SCYL1: variants seen among roughly 807,000 people sequenced by gnomAD.
The protein encoded by SCYL1 is SCY1 like pseudokinase 1.
Under a neutral mutation model 94.8 loss-of-function variants are expected in SCYL1, and 85 were observed. The observed-to-expected ratio is 0.90, with a 90% CI of 0.75 to 1.07. SCYL1 has a LOEUF of 1.07. SCYL1 is among the 50% of genes least tolerant of loss of function. The pLI is 0.00. For missense variants in SCYL1, 968 were observed against 1,083.3 expected (o/e 0.89, Z 1.49); for synonymous variants, 459 against 435.5 (o/e 1.05, Z -0.67).
intron 9 of SCYL1, 181 bp downstream of exon 9, chr11:65,532,986 G>C: frequency 1.7e-6 from 1 of 584,496 alleles, no homozygotes; most frequent in Non-Finnish European, 3.1e-6. Context: ...CCATTCAGCA[G>C]ACAACGAGCA....
chr11:65,526,259 G>T lies in SCYL1; in HGVS notation c.511G>T (p.Gly171Trp), dbSNP rs372370132. 13 of 1,613,042 alleles carry T rather than the reference G, an allele frequency of 8.1e-6. No individual in the cohort carries two copies. The highest frequency in any genetic ancestry group is 2.7e-5 in the African/African-American group (2 of 74,924). The change falls in exon 4 of 18, where the codon GGG becomes TGG. Residue 171 changes from glycine (G) to tryptophan (W), a missense_variant. Physicochemically the swap from Gly to Trp is radical, Grantham distance 184. Around this residue, in one of 2 missense-constraint regions of SCYL1, gnomAD observed 494 missense variants for 619.7 expected, o/e 0.80. Coordinates refer to ENST00000270176, the MANE Select transcript of SCYL1 (RefSeq NM_020680.4). The surrounding 1 kb of genome is among the most constrained non-coding windows in gnomAD (Gnocchi z 4.1). ...DYMYSAQGNGGGPPRKGIPEL... is the reference protein window; with the variant it reads ...DYMYSAQGNGWGPPRKGIPEL... The stretch of plus-strand genomic sequence containing the variant: ...CATGTATTCGGCCCAGGGCAACGGT[G>T]GGGGACCTCCCCGCAAGGGGATCCC...
intron 8 of SCYL1, 55 bp from the exon 9 acceptor site, chr11:65,532,637 T>A: frequency 7.7e-6 from 11 of 1,420,016 alleles, no homozygotes; most frequent in Non-Finnish European, 1.1e-5. Context: ...TCCATGGCTA[T>A]GGGGATAGAG....
intron 9 of SCYL1, 130 bp from the exon 10 acceptor site, chr11:65,535,097 G>A: frequency 8.5e-7 from 1 of 1,182,994 alleles, no homozygotes; most frequent in South Asian, 1.5e-5. Context: ...ACAGGGCCAG[G>A]CCCAGGCTGG....
rs55977709 is a variant in SCYL1, at chr11:65,536,002, C to G, written c.1436C>G (p.Pro479Arg). 6.2e-7 allele frequency: 1 copy of G among 1,613,328 alleles called. No homozygotes were observed. Among genetic ancestry groups the G allele is most frequent in the East Asian group, 2.2e-5 (1 of 44,886 alleles). Residue 479 changes from proline to arginine, a missense_variant, in exon 11 of 18, where the codon CCG becomes CGG. By Grantham distance (103) the Pro-to-Arg change is moderately radical. Transcript: ENST00000270176. ...TSAFSRATRD[P>R]FAPSRVAGVL... ...GCCTTCAGCCGAGCCACTAGGGACC[C>G]GTTTGCACCGTCCCGGGTTGCGGGT...
chr11:65,528,327 G>T (rs572122190), intron 6 of SCYL1, among the ~76,000 whole-genome samples: 1 of 152,248 alleles, frequency 6.6e-6, no homozygotes, highest in African/African-American at 2.4e-5. Context: ...TGTAATCCCG[G>T]CTACTCAGGA....
chr11:65,525,975 C>T lies in SCYL1; in HGVS notation c.307C>T (p.Leu103Phe), dbSNP rs766945284. ...GGCTGTGACCCCGTTGGGAATATAC[C>T]TCAAGGCGAGAGTGGAGGCTGGTGG... is the stretch of plus-strand genomic sequence containing the variant. ...TEAVTPLGIY[L>F]KARVEAGGLK... The change falls in exon 3 of 18, where the codon CTC becomes TTC. Residue 103 changes from leucine to phenylalanine, a missense_variant. Leu to Phe is a conservative substitution (Grantham distance 22). Coordinates refer to ENST00000270176, the MANE Select transcript of SCYL1 (RefSeq NM_020680.4). 2.5e-6 allele frequency: 4 copies of T among 1,613,534 alleles called. No individual in the cohort carries two copies. Among genetic ancestry groups the T allele is most frequent in the South Asian group, 1.1e-5 (1 of 91,072 alleles).
chr11:65,528,382 C>T (rs1409662100), intron 6 of SCYL1, among the ~76,000 whole-genome samples: 1 of 152,088 alleles, frequency 6.6e-6, no homozygotes, highest in Non-Finnish European at 1.5e-5. Context: ...GTGGAGGTTG[C>T]AGTGAGCCAA....
rs1855098661 is a variant in SCYL1, at chr11:65,526,656, G to A, written c.603-127G>A. On this transcript the variant is annotated intron_variant, in intron 4 of 17. Transcript: ENST00000270176. This position sits in a 1 kb window ranked among gnomAD's most constrained non-coding sequence, Gnocchi z 4.1. ...TGAGGCTAATGAAACCTGCCTCTTGGGACTGATGGCTCAGCTGAGGGACAT... is the reference window on the plus strand; with the variant it reads ...TGAGGCTAATGAAACCTGCCTCTTGAGACTGATGGCTCAGCTGAGGGACAT... The A allele has an allele frequency of 2.3e-6, 2 of 886,386 alleles. No individual in the cohort carries two copies. Among genetic ancestry groups the A allele is most frequent in the East Asian group, 2.5e-5 (1 of 40,224 alleles). 54.9% of individuals were successfully genotyped at this position (886,386 alleles called of 1,614,324 possible). A position where few individuals can be genotyped will look rare whatever the true frequency, so the allele number is the denominator to read the frequency against.
At chr11:65,536,958 G>A (rs756616000) in intron 13 of SCYL1, 28 bp from the exon 14 acceptor site, 2 of 1,593,748 alleles carry the variant, frequency 1.3e-6, no homozygotes, top group South Asian at 1.1e-5. Context: ...AGACCCCCCT[G>A]AAAGCTCAGT....
Position 65,536,099 on chromosome 11 carries a change from C to G in SCYL1, c.1533C>G (p.Leu511=), listed in dbSNP as rs369976947. The G allele has an allele frequency of 2.5e-6, 4 of 1,614,042 alleles. No individual in the cohort carries two copies. The African/African-American group carries it at 4.0e-5, about 16-fold the overall frequency. The part of the protein sequence containing the change: ...NDCAQKILPV[L]CGLTVDPEKS... ...GTGCCCAGAAGATCCTGCCTGTGCT[C>G]TGCGGTCTCACTGTAGATCCTGAGA... The change falls in exon 11 of 18, where the codon CTC becomes CTG. Residue 511 remains leucine (L), a synonymous_variant. Transcript: ENST00000270176.
In SCYL1 at chr11:65,538,588, G is replaced by A. The variant is rs763799370; in HGVS notation, c.*22G>A. 14 of 1,603,798 alleles carry A rather than the reference G, an allele frequency of 8.7e-6. No individual in the cohort carries two copies. The South Asian group carries it at 1.1e-4, about 13-fold the overall frequency. ...CTGAACCGTGGCGGTGGCCCTTCCC[G>A]GCTGCGGAGAGCCCGCCCCACAGAT... On this transcript the variant is annotated 3_prime_UTR_variant, in exon 18 of 18. Transcript: ENST00000270176.
Position 65,538,613 on chromosome 11 carries a change from T to C in SCYL1, c.*47T>C, listed in dbSNP as rs753889115. 13 of 1,584,828 alleles carry C rather than the reference T, an allele frequency of 8.2e-6. No homozygotes were observed. The highest frequency in any genetic ancestry group is 1.0e-5 in the Non-Finnish European group (12 of 1,166,134). On this transcript the variant is annotated 3_prime_UTR_variant, in exon 18 of 18. Transcript: ENST00000270176. ...GGCTGCGGAGAGCCCGCCCCACAGATGTATTTATTGTACAAACCATGTGAG... is the reference window on the plus strand; with the variant it reads ...GGCTGCGGAGAGCCCGCCCCACAGACGTATTTATTGTACAAACCATGTGAG...
At chr11:65,534,732 C>T (rs898003500) in intron 9 of SCYL1, among the ~76,000 whole-genome samples, 10 of 152,040 alleles carry the variant, frequency 6.6e-5, no homozygotes, top group South Asian at 2.1e-4. Context: ...GGTGTGTGAA[C>T]GTTAGAGTCT....
chr11:65,536,319 C>T lies in SCYL1; in HGVS notation c.1636C>T (p.Gln546Ter), dbSNP rs864309667. Residue 546 changes from glutamine to a stop codon, truncating the protein, a stop_gained, in exon 12 of 18, where the codon CAG (glutamine) becomes TAG (stop). Transcript: ENST00000270176. LOFTEE classifies it high-confidence loss of function. ...GGAGTCTGTGTCGGAGGACCCGACC[C>T]AGCTGGAGGAAGTGGGTGAGTGGCT... Reference protein sequence around the residue: ...KLESVSEDPTQLEEVEKDVHA... With the variant: ...KLESVSEDPT The T allele has an allele frequency of 2.5e-6, 4 of 1,614,014 alleles. No homozygotes were observed. The highest frequency in any genetic ancestry group is 2.5e-6 in the Non-Finnish European group (3 of 1,179,978).
At position 65,536,738 on chromosome 11, in the gene SCYL1, C is replaced by T; in HGVS notation, c.1804C>T (p.Pro602Ser). The T allele has an allele frequency of 6.2e-7, 1 of 1,603,418 alleles. No individual in the cohort carries two copies. Among genetic ancestry groups the T allele is most frequent in the Non-Finnish European group, 8.5e-7 (1 of 1,171,916 alleles). The stretch of plus-strand genomic sequence containing the variant: ...AACAGAAACCAACATTCCCCAAAGA[C>T]CCACGCCTGAAGGTGAGTGTCCTGG... The part of the protein sequence containing the change: ...APTETNIPQR[P>S]TPEGVPAPAP... Residue 602 changes from proline to serine, a missense_variant, in exon 13 of 18, where the codon CCC becomes TCC. Physicochemically the swap from Pro to Ser is moderately conservative, Grantham distance 74. Coordinates refer to ENST00000270176, the MANE Select transcript of SCYL1 (RefSeq NM_020680.4).
intron 12 of SCYL1, 54 bp downstream of exon 12, chr11:65,536,388 C>G: frequency 6.3e-7 from 1 of 1,579,464 alleles, no homozygotes; most frequent in Admixed American, 1.7e-5. Flanking sequence ...TTGACTGTGA[C>G]CTGTTTGTGT....
intron 6 of SCYL1, among the ~76,000 whole-genome samples, chr11:65,527,548 G>A (rs926151312): frequency 1.3e-5 from 2 of 151,886 alleles, no homozygotes; most frequent in Non-Finnish European, 2.9e-5. Flanking sequence ...ACACCAGCCT[G>A]ACCAACATGG....
chr11:65,528,468 T>C (rs1413553271), intron 6 of SCYL1, among the ~76,000 whole-genome samples: 1 of 132,904 alleles, frequency 7.5e-6, no homozygotes, highest in Non-Finnish European at 1.6e-5. Context: ...ACACCATAAA[T>C]AAGAAAACCA....
At position 65,538,197 on chromosome 11, in the gene SCYL1, T is replaced by C; in HGVS notation, c.2247+15T>C. The C allele has an allele frequency of 6.4e-7, 1 of 1,569,532 alleles. No homozygotes were observed. Among genetic ancestry groups the C allele is most frequent in the South Asian group, 1.2e-5 (1 of 85,626 alleles). Reference sequence around the variant, plus strand: ...CCAGCACCCAGGTACCCAGCACAGGTCTGGCGAGAGGGTAGAGATGGTGGA... The same window carrying C: ...CCAGCACCCAGGTACCCAGCACAGGCCTGGCGAGAGGGTAGAGATGGTGGA... On this transcript the variant is annotated intron_variant, in intron 16 of 17. Transcript: ENST00000270176.
Sources: gnomAD v4.1 joint callset for allele counts (sites outside exome capture counted in the v4.1 genomes callset) on GRCh38, gnomAD v4.1.1 for gene constraint, gnomAD v4.1.1 regional missense constraint, Gnocchi (gnomAD v3.1) non-coding constraint, MANE v1.5 for transcripts, NCBI Gene and HGNC (gene_info 2026-07-23, HGNC 2026-07-21) for gene names.